Variants in DMD observed in about 807,000 individuals in gnomAD.
DMD encodes mutant dystrophin.
A neutral mutation model predicts 330.1 loss-of-function variants in DMD; 63 were observed. That is an observed-to-expected ratio of 0.19 (90% CI 0.16 to 0.24). The LOEUF (loss-of-function observed/expected upper bound fraction) is 0.24. Ranked by LOEUF, DMD falls within the 10% of genes least tolerant of loss-of-function variation. DMD has a pLI of 1.00. For synonymous variants in DMD, 1,223 were observed against 959.8 expected (o/e 1.27, Z -5.07); for missense variants, 3,344 against 2,684.1 (o/e 1.25, Z -5.43).
intron 7 of DMD, among the ~76,000 whole-genome samples, chrX:32,786,621 G>A (rs748189164): frequency 9.0e-6 from 1 of 111,513 alleles, no homozygotes; most frequent in African/African-American, 3.3e-5. Flanking sequence ...AAAACATTTG[G>A]AATCAACTGA....
At chrX:31,577,194 T>A (rs1237082877) in intron 55 of DMD, among the ~76,000 whole-genome samples, 6 of 112,642 alleles carry the variant, frequency 5.3e-5, no homozygotes, top group Non-Finnish European at 1.1e-4. Flanking sequence ...ATCACATTAA[T>A]CGCAACCATA....
intron 43 of DMD, among the ~76,000 whole-genome samples, chrX:32,286,468 G>A (rs913025850): frequency 9.0e-6 from 1 of 111,527 alleles, no homozygotes; most frequent in African/African-American, 3.3e-5. Flanking sequence ...ATTTAATATC[G>A]CTAGAACATA....
intron 67 of DMD, among the ~76,000 whole-genome samples, chrX:31,201,158 T>TACACACACACACACACAC (rs57235865): frequency 1.0e-5 from 1 of 98,282 alleles, no homozygotes; most frequent in Non-Finnish European, 2.0e-5. Context: ...AGAGACCCTG[T>TACACACACACACACACAC]ACACACACAC....
chrX:32,332,717 T>C (rs1176067079), intron 41 of DMD, among the ~76,000 whole-genome samples: 1 of 110,783 alleles, frequency 9.0e-6, no homozygotes, highest in Non-Finnish European at 1.9e-5. Flanking sequence ...GAGTTTTGGA[T>C]TTCACTTAAA....
At chrX:32,766,122 A>G (rs2072950410) in intron 7 of DMD, among the ~76,000 whole-genome samples, 2 of 111,371 alleles carry the variant, frequency 1.8e-5, no homozygotes, top group Admixed American at 1.9e-4. Flanking sequence ...TTTTGAAATC[A>G]GGACGTATGA....
At chrX:33,033,429 G>A (rs2094148145) in intron 1 of DMD, among the ~76,000 whole-genome samples, 1 of 108,175 alleles carries the variant, frequency 9.2e-6, no homozygotes, top group East Asian at 2.9e-4. Context: ...AGTAACTTTT[G>A]GCCAGGCGCG....
chrX:32,193,114 G>A (rs2096983116), intron 44 of DMD, among the ~76,000 whole-genome samples: 1 of 111,248 alleles, frequency 9.0e-6, no homozygotes, highest in Non-Finnish European at 1.9e-5. Flanking sequence ...CTCTAGCCAG[G>A]TGAAGTGCCT....
intron 7 of DMD, among the ~76,000 whole-genome samples, chrX:32,717,058 C>A (rs1010628456): frequency 9.1e-6 from 1 of 110,219 alleles, no homozygotes; most frequent in Admixed American, 9.7e-5. Context: ...AGAAAATTTG[C>A]AGCCTGACCA....
intron 44 of DMD, among the ~76,000 whole-genome samples, chrX:32,191,992 C>T (rs985750274): frequency 5.4e-5 from 6 of 111,900 alleles, no homozygotes; most frequent in African/African-American, 1.9e-4. Context: ...GTTACAAATA[C>T]GACAAGTGTT....
chrX:32,698,581 T>C lies in DMD; in HGVS notation c.831+531A>G, dbSNP rs149857682. 4.8e-3 allele frequency among the ~76,000 whole-genome samples: 537 copies of C among 112,235 alleles called. 1 individual carries two copies. The highest frequency in any genetic ancestry group is 0.047 in the Middle Eastern group (10 of 215). ...GTCATGGAAGAACCCCACTAAATTC[T>C]ATACAATTATGTAACGAAGAATTTC... On this transcript the variant is annotated intron_variant, in intron 8 of 78. Transcript: ENST00000357033.
intron 44 of DMD, among the ~76,000 whole-genome samples, chrX:32,092,322 T>C (rs1260088647): frequency 9.0e-6 from 1 of 111,691 alleles, no homozygotes; most frequent in Non-Finnish European, 1.9e-5. Flanking sequence ...GTCCACCCTG[T>C]GCTTAAAGCA....
intron 54 of DMD, among the ~76,000 whole-genome samples, chrX:31,646,834 G>A (rs777902738): frequency 4.5e-5 from 5 of 112,137 alleles, no homozygotes; most frequent in African/African-American, 1.3e-4. Context: ...AGGCCGCAAC[G>A]CACTGCAGGC....
intron 30 of DMD, among the ~76,000 whole-genome samples, chrX:32,402,054 A>G (rs1178164424): frequency 8.9e-6 from 1 of 112,108 alleles, no homozygotes; most frequent in African/African-American, 3.2e-5. Flanking sequence ...TATCAGCTTC[A>G]GTAAAAATGC....
intron 55 of DMD, among the ~76,000 whole-genome samples, chrX:31,569,371 T>C (rs1452083910): frequency 9.2e-6 from 1 of 108,675 alleles, no homozygotes; most frequent in Admixed American, 9.9e-5. Context: ...CCTTAGACTT[T>C]GGTTATGCTA....
chrX:32,865,550 C>T (rs567273479), intron 2 of DMD, among the ~76,000 whole-genome samples: 2 of 111,917 alleles, frequency 1.8e-5, no homozygotes, highest in African/African-American at 3.2e-5. Context: ...CGTAAGTGGA[C>T]GGATGGAACA....
In DMD at chrX:31,791,511, G is replaced by A. The variant is rs140037480; in HGVS notation, c.7310-17319C>T. Among the ~76,000 whole-genome samples, 666 of 111,342 alleles carry A rather than the reference G, an allele frequency of 6.0e-3. 9 individuals are homozygous for A. The highest frequency in any genetic ancestry group is 0.021 in the African/African-American group (632 of 30,609). ...CATCTGTGATGATACTGGTAGGATA[G>A]GGATGGGGGCAAAACAAAGGTTGAA... is the stretch of plus-strand genomic sequence containing the variant. On this transcript the variant is annotated intron_variant, in intron 50 of 78. Transcript: ENST00000357033.
intron 42 of DMD, among the ~76,000 whole-genome samples, chrX:32,307,392 G>A (rs754588289): frequency 8.1e-5 from 9 of 111,359 alleles, no homozygotes; most frequent in African/African-American, 2.6e-4. Flanking sequence ...GGTTTGCTGG[G>A]GAACACGGGG....
intron 7 of DMD, among the ~76,000 whole-genome samples, chrX:32,711,322 G>A (rs2065169879): frequency 9.0e-6 from 1 of 110,778 alleles, no homozygotes; most frequent in African/African-American, 3.3e-5. Flanking sequence ...CTTTCCTGAT[G>A]ACCAGAAACC....
At position 32,595,763 on chromosome X, in the gene DMD, T is replaced by A; in HGVS notation, c.1596A>T (p.Gln532His). The change falls in exon 13 of 79, where the codon CAA (glutamine) becomes CAT (histidine). Residue 532 changes from glutamine to histidine, a missense_variant. Physicochemically the swap from Gln to His is conservative, Grantham distance 24. Coordinates refer to ENST00000357033, the MANE Select transcript of DMD (RefSeq NM_004006.3). ...GDHATAALEEQLKVLGDRWAN... is the reference protein window; with the variant it reads ...GDHATAALEEHLKVLGDRWAN... ...CTAAGCAAAATAATCTGACCTTAAGTTGTTCTTCCAAAGCAGCAGTTGCGT... is the reference window on the plus strand; with the variant it reads ...CTAAGCAAAATAATCTGACCTTAAGATGTTCTTCCAAAGCAGCAGTTGCGT... The A allele has an allele frequency of 1.7e-6, 2 of 1,211,040 alleles. No homozygotes were observed. The highest frequency in any genetic ancestry group is 2.2e-6 in the Non-Finnish European group (2 of 894,748).
Sources: allele counts gnomAD v4.1 joint callset (sites outside exome capture counted in the v4.1 genomes callset), GRCh38; gene constraint gnomAD v4.1.1; transcripts MANE v1.5; gene names NCBI Gene and HGNC (gene_info 2026-07-23, HGNC 2026-07-21).